WWOX: variants seen among roughly 807,000 people sequenced by gnomAD.
WWOX encodes the protein WW domain-containing oxidoreductase.
In WWOX, 69 loss-of-function variants were observed where a neutral mutation model predicts 46.2. The ratio of observed to expected loss-of-function variants is 1.49; its 90% confidence interval spans 1.23 to 1.82. The LOEUF (loss-of-function observed/expected upper bound fraction) is 1.82, where lower values mean the gene tolerates loss of function less well. Ranked by LOEUF, WWOX falls within the 40% of genes most tolerant of loss-of-function variation. The pLI, the probability that WWOX is intolerant of heterozygous loss-of-function variation, is 0.00. For synonymous variants in WWOX, 359 were observed against 202.6 expected (o/e 1.77, Z -6.56); for missense variants, 919 against 542.6 (o/e 1.69, Z -6.89).
chr16:78,860,960 C>T (rs967884025), intron 8 of WWOX, among the ~76,000 whole-genome samples: 3 of 152,070 alleles, frequency 2.0e-5, no homozygotes, highest in African/African-American at 2.4e-5. Flanking sequence ...GGACTACAGG[C>T]GCATGCCGTA....
At chr16:78,921,002 G>A (rs1344023855) in intron 8 of WWOX, among the ~76,000 whole-genome samples, 1 of 152,110 alleles carries the variant, frequency 6.6e-6, no homozygotes. Flanking sequence ...CTCCCACACT[G>A]GCTGTTTGCT....
chr16:78,498,468 T>C lies in WWOX; in HGVS notation c.1056+65716T>C, dbSNP rs542592416. ...ACACATGGCCTGCTCACAAATCTTATGATAAAACTCTACCCACTGAGAAGC... is the reference window on the plus strand; with the variant it reads ...ACACATGGCCTGCTCACAAATCTTACGATAAAACTCTACCCACTGAGAAGC... On this transcript the variant is annotated intron_variant, in intron 8 of 8. Coordinates refer to ENST00000566780, the MANE Select transcript of WWOX (RefSeq NM_016373.4). Among the ~76,000 whole-genome samples, 15 of 152,214 alleles carry C rather than the reference T, an allele frequency of 9.9e-5. No individual in the cohort carries two copies. The East Asian group carries it at 1.7e-3, about 18-fold the overall frequency.
intron 6 of WWOX, among the ~76,000 whole-genome samples, chr16:78,399,801 G>A (rs1032301659): frequency 6.6e-6 from 1 of 152,142 alleles, no homozygotes; most frequent in Non-Finnish European, 1.5e-5. Flanking sequence ...TTACATAATT[G>A]ACATGTTGAG....
At chr16:78,575,021 AAATATATATATATATATATATATAT>A (rs2044823681) in intron 8 of WWOX, among the ~76,000 whole-genome samples, 4 of 13,334 alleles carry the variant, frequency 3.0e-4, no homozygotes, top group African/African-American at 1.5e-3. Context: ...ATATATATAT[AAATATATATATATATATATATATAT>A]ATATATATAT....
At chr16:78,775,101 C>G (rs1040618332) in intron 8 of WWOX, among the ~76,000 whole-genome samples, 2 of 152,152 alleles carry the variant, frequency 1.3e-5, no homozygotes, top group African/African-American at 4.8e-5. Context: ...GAGTCACCAA[C>G]TCACTCCATC....
rs79964777 is a variant in WWOX, at chr16:78,521,430, A to G, written c.1056+88678A>G. On this transcript the variant is annotated intron_variant, in intron 8 of 8. Coordinates refer to ENST00000566780, the MANE Select transcript of WWOX (RefSeq NM_016373.4). Reference sequence around the variant, plus strand: ...TTCCAGCAGAATATCAGAAACAGAGATGAGGAAGGCAGAGAGAGCTCAAAG... The same window carrying G: ...TTCCAGCAGAATATCAGAAACAGAGGTGAGGAAGGCAGAGAGAGCTCAAAG... 1.1e-4 allele frequency among the ~76,000 whole-genome samples: 16 copies of G among 152,192 alleles called. No individual in the cohort carries two copies. The East Asian group carries it at 2.9e-3, about 28-fold the overall frequency.
intron 8 of WWOX, among the ~76,000 whole-genome samples, chr16:79,189,343 G>A (rs901810945): frequency 6.6e-6 from 1 of 151,136 alleles, no homozygotes; most frequent in African/African-American, 2.4e-5. Context: ...CTGCAGCCTC[G>A]ACTTCCCAGG....
chr16:78,622,994 C>G (rs1262806037), intron 8 of WWOX, among the ~76,000 whole-genome samples: 1 of 152,028 alleles, frequency 6.6e-6, no homozygotes, highest in African/African-American at 2.4e-5. Flanking sequence ...AGGAAGCCAG[C>G]AAGAAAATGA....
chr16:79,046,208 G>T (rs2048062961), intron 8 of WWOX, among the ~76,000 whole-genome samples: 2 of 152,182 alleles, frequency 1.3e-5, no homozygotes, highest in South Asian at 4.1e-4. Context: ...ATTATTGTCA[G>T]TATGTATCCA....
intron 8 of WWOX, among the ~76,000 whole-genome samples, chr16:78,938,866 C>G (rs1230419233): frequency 6.6e-6 from 1 of 152,218 alleles, no homozygotes; most frequent in East Asian, 1.9e-4. Context: ...AAACTGAAGG[C>G]TGAGCTGCCA....
intron 8 of WWOX, among the ~76,000 whole-genome samples, chr16:78,578,262 A>ATATATATATT (rs1555567065): frequency 3.7e-4 from 7 of 18,976 alleles, no homozygotes; most frequent in African/African-American, 1.1e-3. Context: ...TTTTATATAT[A>ATATATATATT]TATATATATA....
intron 8 of WWOX, among the ~76,000 whole-genome samples, chr16:79,034,727 T>C (rs1018193395): frequency 6.6e-6 from 1 of 152,306 alleles, no homozygotes; most frequent in Middle Eastern, 3.4e-3. Context: ...AATACTTCTC[T>C]GATCAGAGCA....
intron 8 of WWOX, among the ~76,000 whole-genome samples, chr16:78,601,210 C>T (rs2045614272): frequency 6.6e-6 from 1 of 152,196 alleles, no homozygotes; most frequent in African/African-American, 2.4e-5. Context: ...TTCCTTTCTT[C>T]TTCAGTGCCA....
chr16:78,646,324 A>G (rs576165953), intron 8 of WWOX, among the ~76,000 whole-genome samples: 533 of 152,240 alleles, frequency 3.5e-3, no homozygotes, highest in Non-Finnish European at 6.0e-3. Flanking sequence ...TTTTGGCACC[A>G]TTATTCTGCC....
chr16:78,173,114 G>A (rs1401664806), intron 5 of WWOX, among the ~76,000 whole-genome samples: 2 of 152,186 alleles, frequency 1.3e-5, no homozygotes, highest in Non-Finnish European at 2.9e-5. Context: ...CACGCCCTGC[G>A]ATAGGTTAAG....
intron 8 of WWOX, chr16:79,110,686 G>T (rs1318448911): frequency 1.3e-5 from 2 of 152,134 alleles, no homozygotes; most frequent in African/African-American, 4.8e-5. Context: ...CTTGTAGTCA[G>T]GGAAATGAAG....
chr16:79,020,503 C>T (rs2047512376), intron 8 of WWOX, among the ~76,000 whole-genome samples: 1 of 152,156 alleles, frequency 6.6e-6, no homozygotes, highest in Non-Finnish European at 1.5e-5. Context: ...TTAAATGCAA[C>T]AGTAATCCAA....
At chr16:79,108,770 G>C (rs552851843) in intron 8 of WWOX, among the ~76,000 whole-genome samples, 1 of 151,964 alleles carries the variant, frequency 6.6e-6, no homozygotes, top group African/African-American at 2.4e-5. Context: ...GTGTAGTGGC[G>C]TGTGCCTGTA....
At chr16:78,487,961 C>G (rs1318867011) in intron 8 of WWOX, among the ~76,000 whole-genome samples, 1 of 152,128 alleles carries the variant, frequency 6.6e-6, no homozygotes. Context: ...GATCATTATC[C>G]CACCTTCCCC....
Sources: allele counts gnomAD v4.1 joint callset (sites outside exome capture counted in the v4.1 genomes callset), GRCh38; gene constraint gnomAD v4.1.1; transcripts MANE v1.5; gene names NCBI Gene and HGNC (gene_info 2026-07-23, HGNC 2026-07-21).